Variants in ABCB5 observed in about 807,000 individuals in gnomAD.
ABCB5 encodes the protein ATP-binding cassette sub-family B member 5.
Under a neutral mutation model 144.2 loss-of-function variants are expected in ABCB5, and 155 were observed. That is an observed-to-expected ratio of 1.08 (90% CI 0.94 to 1.23). The LOEUF is 1.23. Among genes scored for constraint, ABCB5 ranks in the 50% most tolerant of loss-of-function variants. The pLI, the probability that ABCB5 is intolerant of heterozygous loss-of-function variation, is 0.00. For synonymous variants in ABCB5, 610 were observed against 528.6 expected (o/e 1.15, Z -2.11); for missense variants, 1,830 against 1,520.8 (o/e 1.20, Z -3.38).
intron 26 of ABCB5, among the ~76,000 whole-genome samples, chr7:20,746,686 G>A (rs191380727): frequency 2.4e-4 from 36 of 152,268 alleles, no homozygotes; most frequent in African/African-American, 7.9e-4. Flanking sequence ...GAAGCCTTTG[G>A]TAGTGCAAGC....
At chr7:20,682,280 A>G (rs567247419) in intron 15 of ABCB5, among the ~76,000 whole-genome samples, 1 of 152,350 alleles carries the variant, frequency 6.6e-6, no homozygotes, top group South Asian at 2.1e-4. Context: ...ACAAAGAAAT[A>G]TAACACACAG....
intron 20 of ABCB5, among the ~76,000 whole-genome samples, chr7:20,714,825 C>G (rs545464070): frequency 6.6e-6 from 1 of 152,306 alleles, no homozygotes; most frequent in South Asian, 2.1e-4. Context: ...AGAAGCCTGT[C>G]TCATCAAAAA....
At chr7:20,658,327 C>CT (rs759670787) in intron 13 of ABCB5, among the ~76,000 whole-genome samples, 179 bp from the exon 14 acceptor site, 8,789 of 140,620 alleles carry the variant, frequency 0.063, 350 homozygotes, top group South Asian at 0.15. Flanking sequence ...TCTTTGGGCT[C>CT]TTTTTTTTTT....
At chr7:20,688,667 C>T (rs888241424) in intron 16 of ABCB5, among the ~76,000 whole-genome samples, 1 of 152,284 alleles carries the variant, frequency 6.6e-6, no homozygotes, top group Admixed American at 6.5e-5. Context: ...GACACATGCA[C>T]ACGTATGTTT....
intron 14 of ABCB5, among the ~76,000 whole-genome samples, chr7:20,663,584 G>A (rs187121085): frequency 3.3e-5 from 5 of 152,266 alleles, no homozygotes; most frequent in African/African-American, 1.2e-4. Flanking sequence ...GGGCTTGGGG[G>A]ATGGGAAAGC....
Position 20,739,070 on chromosome 7 carries a change from T to C in ABCB5, c.2955T>C (p.Ala985=). 6.2e-7 allele frequency: 1 copy of C among 1,612,214 alleles called. No individual in the cohort carries two copies. The change falls in exon 24 of 28, where the codon GCT becomes GCC. Residue 985 remains alanine (A), a synonymous_variant. Transcript: ENST00000404938. Reference sequence around the variant, plus strand: ...AATATTCCAAAGCCAAATCGGGGGCTGCGCATCTGTTTGCCTTGTTGGAAA... The same window carrying C: ...AATATTCCAAAGCCAAATCGGGGGCCGCGCATCTGTTTGCCTTGTTGGAAA... The part of the protein sequence containing the change: ...APEYSKAKSG[A]AHLFALLEKK...
intron 20 of ABCB5, among the ~76,000 whole-genome samples, chr7:20,711,820 C>CTTTCTTTCTTTCTTTT (rs1562573696): frequency 3.8e-5 from 2 of 52,414 alleles, no homozygotes; most frequent in East Asian, 6.2e-3. Context: ...TTCTTTCTTT[C>CTTTCTTTCTTTCTTTT]TTTCTTTCTT....
chr7:20,625,825 G>A (rs1431572092), intron 2 of ABCB5, among the ~76,000 whole-genome samples: 1 of 152,162 alleles, frequency 6.6e-6, no homozygotes, highest in Non-Finnish European at 1.5e-5. Context: ...TAAAACCAGT[G>A]AGTTGAAGAG....
In ABCB5 at chr7:20,755,507, C is replaced by G; in HGVS notation, c.3657C>G (p.Asn1219Lys). 2 of 1,614,054 alleles carry G rather than the reference C, an allele frequency of 1.2e-6. No homozygotes were observed. The highest frequency in any genetic ancestry group is 2.2e-5 in the South Asian group (2 of 91,064). The change falls in exon 28 of 28, where the codon AAC (asparagine) becomes AAG (lysine). Residue 1219 changes from asparagine to lysine, a missense_variant. Transcript: ENST00000404938. ...CTCACAGGCTCTCTGCAATTCAGAACGCAGATTTGATAGTGGTTCTGCACA... is the reference window on the plus strand; with the variant it reads ...CTCACAGGCTCTCTGCAATTCAGAAGGCAGATTTGATAGTGGTTCTGCACA... ...VVTHRLSAIQ[N>K]ADLIVVLHNG... is the part of the protein sequence containing the mutation.
At chr7:20,659,662 A>G in intron 14 of ABCB5, 1 of 988,050 alleles carries the variant, frequency 1.0e-6, no homozygotes, top group Non-Finnish European at 1.2e-6. Flanking sequence ...AAATACAAAG[A>G]CAGGACTAAT....
chr7:20,639,527 T>C (rs1035268057), intron 5 of ABCB5, among the ~76,000 whole-genome samples: 1 of 152,220 alleles, frequency 6.6e-6, no homozygotes, highest in African/African-American at 2.4e-5. Flanking sequence ...CTGTGAATGA[T>C]GTGAGGTAAT....
At chr7:20,735,977 T>G (rs1417901498) in intron 23 of ABCB5, among the ~76,000 whole-genome samples, 1 of 152,194 alleles carries the variant, frequency 6.6e-6, no homozygotes, top group African/African-American at 2.4e-5. Flanking sequence ...TAGTTGCTTA[T>G]TTTCTCCTCC....
chr7:20,647,834 T>C (rs1461507498), intron 10 of ABCB5, 134 bp from the exon 11 acceptor site: 3 of 1,119,978 alleles, frequency 2.7e-6, no homozygotes, highest in East Asian at 5.1e-5. Flanking sequence ...GAAACCTTCA[T>C]GTCTAACTCA....
chr7:20,665,972 C>G (rs10950827), intron 14 of ABCB5, among the ~76,000 whole-genome samples: 23,704 of 151,064 alleles, frequency 0.16, 2,008 homozygotes, highest in East Asian at 0.24. Context: ...GAGTTTGAGA[C>G]CAGCCTGACC....
chr7:20,751,471 A>T (rs939851448), intron 26 of ABCB5, among the ~76,000 whole-genome samples: 3 of 152,078 alleles, frequency 2.0e-5, no homozygotes, highest in East Asian at 1.9e-4. Context: ...ACTCCGTAAA[A>T]AAATAAATAA....
At chr7:20,716,869 G>GCC (rs1781689807) in intron 20 of ABCB5, among the ~76,000 whole-genome samples, 1 of 152,132 alleles carries the variant, frequency 6.6e-6, no homozygotes, top group Non-Finnish European at 1.5e-5. Context: ...CTTTCCCTTA[G>GCC]GAATTCTAAA....
intron 14 of ABCB5, chr7:20,660,288 G>A: frequency 7.1e-6 from 7 of 985,136 alleles, no homozygotes; most frequent in Non-Finnish European, 8.4e-6. Context: ...AATAATAACA[G>A]CTATGTGGCA....
intron 16 of ABCB5, among the ~76,000 whole-genome samples, chr7:20,691,433 G>A (rs1786226350): frequency 1.3e-5 from 2 of 151,642 alleles, no homozygotes; most frequent in Non-Finnish European, 2.9e-5. Context: ...GTCTTCATCC[G>A]ACTACTGATC....
At chr7:20,620,830 T>C (rs897647394) in intron 1 of ABCB5, among the ~76,000 whole-genome samples, 1 of 152,150 alleles carries the variant, frequency 6.6e-6, no homozygotes, top group Non-Finnish European at 1.5e-5. Flanking sequence ...AAAAACAGTA[T>C]GAATATTTCT....
Sources: gnomAD v4.1 joint callset for allele counts (sites outside exome capture counted in the v4.1 genomes callset) on GRCh38, gnomAD v4.1.1 for gene constraint, MANE v1.5 for transcripts, NCBI Gene and HGNC (gene_info 2026-07-23, HGNC 2026-07-21) for gene names.